The following CLASP2 variants were observed in gnomAD, a reference collection of about 807,000 sequenced individuals.
CLASP2 encodes cytoplasmic linker associated protein 2, also known as CLIP-associating protein 2.
A neutral mutation model predicts 194.4 loss-of-function variants in CLASP2; 47 were observed. The ratio of observed to expected loss-of-function variants is 0.24; its 90% CI spans 0.19 to 0.31. The LOEUF is 0.31. CLASP2 is among the 10% of genes least tolerant of loss of function. CLASP2 has a pLI of 1.00. For missense variants in CLASP2, 1,445 were observed against 1,823.6 expected (o/e 0.79, Z 3.78); for synonymous variants, 619 against 633.5 (o/e 0.98, Z 0.34).
intron 23 of CLASP2, 50 bp downstream of exon 23, chr3:33,581,771 T>G: frequency 7.8e-7 from 1 of 1,279,720 alleles, no homozygotes; most frequent in East Asian, 2.4e-5. Context: ...TAACAGATAG[T>G]GATAACACCA....
At chr3:33,582,421 G>C (rs2154212123) in intron 22 of CLASP2, among the ~76,000 whole-genome samples, 1 of 152,292 alleles carries the variant, frequency 6.6e-6, no homozygotes. Context: ...ATGGGTAGGT[G>C]AGTGGGGAGA....
intron 12 of CLASP2, among the ~76,000 whole-genome samples, chr3:33,617,015 C>A (rs1177369802): frequency 6.6e-6 from 1 of 150,746 alleles, no homozygotes; most frequent in Non-Finnish European, 1.5e-5. Context: ...CACACGTAAG[C>A]CACCATGCCC....
chr3:33,630,393 A>C (rs2078860839), intron 9 of CLASP2, among the ~76,000 whole-genome samples: 1 of 152,216 alleles, frequency 6.6e-6, no homozygotes, highest in East Asian at 1.9e-4. Context: ...AGATCAGTAC[A>C]TGCCAATAAT....
chr3:33,704,826 A>G (rs2092594159), intron 1 of CLASP2, among the ~76,000 whole-genome samples: 1 of 152,094 alleles, frequency 6.6e-6, no homozygotes, highest in East Asian at 1.9e-4. Flanking sequence ...ATTATTAGTC[A>G]TTAAAGAAAT....
At chr3:33,520,226 G>A (rs1050567378) in intron 34 of CLASP2, among the ~76,000 whole-genome samples, 2 of 152,154 alleles carry the variant, frequency 1.3e-5, no homozygotes, top group Non-Finnish European at 2.9e-5. Context: ...GGCTAGTCTC[G>A]AACTCCTGAC....
intron 34 of CLASP2, among the ~76,000 whole-genome samples, chr3:33,534,263 A>C (rs1248796034): frequency 6.6e-6 from 1 of 152,188 alleles, no homozygotes. Flanking sequence ...ATGTTTCCTT[A>C]TTATAAAAAA....
intron 7 of CLASP2, among the ~76,000 whole-genome samples, chr3:33,657,607 G>C (rs1041513441): frequency 5.3e-5 from 8 of 151,176 alleles, no homozygotes; most frequent in African/African-American, 9.7e-5. Flanking sequence ...TTTTAAAAAG[G>C]AAGAAACTTG....
chr3:33,684,321 TG>T, intron 6 of CLASP2, 37 bp downstream of exon 6: 4 of 1,069,746 alleles, frequency 3.7e-6, no homozygotes, highest in Non-Finnish European at 4.1e-6. Context: ...AAACTAGTGG[TG>T]AAAAAAAAAA....
intron 25 of CLASP2, among the ~76,000 whole-genome samples, chr3:33,572,214 G>A (rs2063914980): frequency 6.6e-6 from 1 of 152,074 alleles, no homozygotes; most frequent in Non-Finnish European, 1.5e-5. Context: ...TCTAAACTAT[G>A]CCTACTCCCT....
chr3:33,617,955 T>A lies in CLASP2; in HGVS notation c.1317+1648A>T, dbSNP rs957371397. On this transcript the variant is annotated intron_variant, in intron 12 of 38. Transcript: ENST00000682230. ...TTATTATATATATATATATATATTT[T>A]TTTTTTTTTTGAGATGGAGTTTCAC... Among the ~76,000 whole-genome samples, 449 of 143,974 alleles carry A rather than the reference T, an allele frequency of 3.1e-3. 1 individual carries two copies. Among genetic ancestry groups the A allele is most frequent in the East Asian group, 0.02 (102 of 5,044 alleles). The allele number at this position is 143,974 out of a possible 152,430, so 94.5% of individuals were successfully genotyped here.
In CLASP2 at chr3:33,620,997, TTGTGTGTGTGTGTGTGTGTG is replaced by T. The variant is rs60682503; in HGVS notation, c.1181+1118_1181+1137del. On this transcript the variant is annotated intron_variant, in intron 11 of 38. Transcript: ENST00000682230. ...CCCATATTATGATCTCTGTAGCTCT[TTGTGTGTGTGTGTGTGTGTG>T]TGTGTGTGTGTGTGTGTGTGTGTGA... is the stretch of plus-strand genomic sequence containing the variant. Among the ~76,000 whole-genome samples the T allele has an allele frequency of 1.1e-3, 157 of 142,664 alleles. 1 individual carries two copies. In the Middle Eastern group the frequency reaches 0.018, roughly 16 times the overall value. The allele number at this position is 142,664 out of a possible 152,430, so 93.6% of individuals were successfully genotyped here. A position where few individuals can be genotyped will look rare whatever the true frequency, so the allele number is the denominator to read the frequency against.
At chr3:33,538,698 T>C in intron 33 of CLASP2, 91 bp downstream of exon 33, 2 of 1,064,486 alleles carry the variant, frequency 1.9e-6, no homozygotes, top group Non-Finnish European at 2.6e-6. Context: ...TAGAAAAGTA[T>C]ATTCAAAAAT....
intron 8 of CLASP2, among the ~76,000 whole-genome samples, chr3:33,636,735 G>C (rs541547360): frequency 6.6e-6 from 1 of 152,198 alleles, no homozygotes; most frequent in South Asian, 2.1e-4. Flanking sequence ...ATAGCAGCTG[G>C]AACTATAGGC....
chr3:33,701,824 G>A (rs1402739134), intron 1 of CLASP2, among the ~76,000 whole-genome samples: 1 of 152,096 alleles, frequency 6.6e-6, no homozygotes, highest in Non-Finnish European at 1.5e-5. Flanking sequence ...ACTCAAAAAT[G>A]TATGAGATAT....
chr3:33,606,822 G>A lies in CLASP2; in HGVS notation c.1527-64C>T, dbSNP rs183258581. ...TACATAATTAGACATTAACAGTAACGTGTACGTTCAAGAAGGATGAAGATA... is the reference window on the plus strand; with the variant it reads ...TACATAATTAGACATTAACAGTAACATGTACGTTCAAGAAGGATGAAGATA... On this transcript the variant is annotated intron_variant, in intron 15 of 38. Coordinates refer to ENST00000682230, the MANE Select transcript of CLASP2 (RefSeq NM_001365631.1). The A allele has an allele frequency of 2.0e-4, 241 of 1,198,178 alleles. No individual in the cohort carries two copies. In the African/African-American group the frequency reaches 3.2e-3, roughly 16 times the overall value. 74.2% of individuals were successfully genotyped at this position (1,198,178 alleles called of 1,614,324 possible).
At position 33,560,889 on chromosome 3, in the gene CLASP2, A is replaced by T. The variant is rs1338213373; in HGVS notation, c.2849T>A (p.Leu950Gln). 6.2e-7 allele frequency: 1 copy of T among 1,613,804 alleles called. No individual in the cohort carries two copies. Among genetic ancestry groups the T allele is most frequent in the Non-Finnish European group, 8.5e-7 (1 of 1,179,818 alleles). ...DDLQDWLFVL[L>Q]TQLLKKMGAD... is the part of the protein sequence containing the mutation. ...ACCCATTTTTTTTAGTAGTTGTGTC[A>T]GCAGTACAAACAACCAATCTTGAAG... Residue 950 changes from leucine (L) to glutamine (Q), a missense_variant, in exon 28 of 39, where the codon CTG (leucine) becomes CAG (glutamine). By Grantham distance (113) the Leu-to-Gln change is moderately radical (BLOSUM62 -2). Transcript: ENST00000682230.
intron 20 of CLASP2, 99 bp downstream of exon 20, chr3:33,594,852 C>A: frequency 1.7e-6 from 1 of 600,920 alleles, no homozygotes; most frequent in Non-Finnish European, 2.5e-6. Flanking sequence ...TAAAGAGTTG[C>A]AAAGAAATTA....
At chr3:33,589,483 T>G (rs1222699746) in intron 21 of CLASP2, among the ~76,000 whole-genome samples, 1 of 152,150 alleles carries the variant, frequency 6.6e-6, no homozygotes, top group Non-Finnish European at 1.5e-5. Context: ...AAATATATTG[T>G]AAAGAAACTT....
chr3:33,683,540 G>A (rs2090150787), intron 6 of CLASP2: 1 of 150,832 alleles, frequency 6.6e-6, no homozygotes, highest in African/African-American at 2.4e-5. Flanking sequence ...CCCGGGAGGT[G>A]GAGGTTGCAG....
Sources: allele counts gnomAD v4.1 joint callset (sites outside exome capture counted in the v4.1 genomes callset), GRCh38; gene constraint gnomAD v4.1.1; transcripts MANE v1.5; gene names NCBI Gene and HGNC (gene_info 2026-07-23, HGNC 2026-07-21).